SMOC1: variants seen among roughly 807,000 people sequenced by gnomAD.
The protein encoded by SMOC1 is SPARC related modular calcium binding 1, also known as SPARC-related modular calcium-binding protein 1.
In SMOC1, 22 loss-of-function variants were observed where a neutral mutation model predicts 56.3. The observed-to-expected ratio is 0.39, with a 90% CI of 0.28 to 0.56. The LOEUF is 0.56. Ranked by LOEUF, SMOC1 falls within the 20% of genes least tolerant of loss-of-function variation. The pLI, the probability that SMOC1 is intolerant of heterozygous loss-of-function variation, is 0.61. For missense variants in SMOC1, 509 were observed against 565.4 expected (o/e 0.90, Z 1.01); for synonymous variants, 193 against 215.0 (o/e 0.90, Z 0.89).
chr14:69,962,618 C>T (rs1266941218), intron 3 of SMOC1, among the ~76,000 whole-genome samples: 2 of 151,978 alleles, frequency 1.3e-5, no homozygotes. Context: ...ACTCTGTCAC[C>T]TAGGCTGGAG....
At chr14:69,886,011 C>T in intron 1 of SMOC1, 2 of 1,586,940 alleles carry the variant, frequency 1.3e-6, no homozygotes, top group Admixed American at 1.7e-5. Flanking sequence ...GGCTGGATGT[C>T]CTGTCCAATG....
intron 1 of SMOC1, among the ~76,000 whole-genome samples, chr14:69,947,087 G>GCATTCCTT (rs1882810156): frequency 2.1e-5 from 3 of 143,360 alleles, no homozygotes; most frequent in African/African-American, 7.9e-5. Context: ...TCTCAGGCCG[G>GCATTCCTT]CCTTCCTTCC....
At chr14:69,965,484 C>G (rs1409575285) in intron 3 of SMOC1, among the ~76,000 whole-genome samples, 2 of 151,986 alleles carry the variant, frequency 1.3e-5, no homozygotes, top group Non-Finnish European at 2.9e-5. Flanking sequence ...TAAGTGTAGT[C>G]CCACAGAGCT....
intron 1 of SMOC1, among the ~76,000 whole-genome samples, chr14:69,909,447 G>A (rs1411295834): frequency 1.3e-5 from 2 of 151,976 alleles, no homozygotes; most frequent in East Asian, 3.9e-4. Context: ...TTACAGGCAG[G>A]TACATCCAAT....
At chr14:69,913,820 T>G in intron 1 of SMOC1, among the ~76,000 whole-genome samples, 1 of 152,338 alleles carries the variant, frequency 6.6e-6, no homozygotes, top group East Asian at 1.9e-4. Flanking sequence ...GGCTAGAGTT[T>G]TAAGAGTCCT....
intron 1 of SMOC1, among the ~76,000 whole-genome samples, chr14:69,911,429 T>A (rs943272033): frequency 8.5e-5 from 13 of 152,228 alleles, no homozygotes; most frequent in African/African-American, 2.9e-4. Flanking sequence ...TGACAATGCA[T>A]ACAGTTGTGT....
chr14:69,882,072 G>T (rs2139280790), intron 1 of SMOC1, among the ~76,000 whole-genome samples: 1 of 152,306 alleles, frequency 6.6e-6, no homozygotes, highest in African/African-American at 2.4e-5. Context: ...AGTCTGCAGA[G>T]AAATTGTTAA....
chr14:69,964,380 C>CTT (rs57468516), intron 3 of SMOC1, among the ~76,000 whole-genome samples: 94 of 139,128 alleles, frequency 6.8e-4, no homozygotes, highest in Non-Finnish European at 9.1e-4. Flanking sequence ...CTCTGGTATT[C>CTT]TTTTTTTTTT....
At chr14:69,948,343 T>G (rs1882868312) in intron 1 of SMOC1, among the ~76,000 whole-genome samples, 1 of 152,230 alleles carries the variant, frequency 6.6e-6, no homozygotes, top group South Asian at 2.1e-4. Flanking sequence ...AACTTTTTAT[T>G]TGGCCTTAGG....
rs529434948 is a variant in SMOC1, at chr14:69,962,131, T to G, written c.378+8599T>G. On this transcript the variant is annotated intron_variant, in intron 3 of 11. Coordinates refer to ENST00000361956, the MANE Select transcript of SMOC1 (RefSeq NM_001034852.3). ...CTTTTCATTATTGAGTTACAAGAGC[T>G]CTTTATATATTCTAGATACAAGACT... is the stretch of plus-strand genomic sequence containing the variant. Among the ~76,000 whole-genome samples the G allele has an allele frequency of 2.0e-5, 3 of 152,276 alleles. No individual in the cohort carries two copies. The East Asian group carries it at 5.8e-4, about 29-fold the overall frequency.
chr14:69,970,858 A>G (rs1479287055), intron 3 of SMOC1, among the ~76,000 whole-genome samples: 1 of 152,214 alleles, frequency 6.6e-6, no homozygotes, highest in Admixed American at 6.5e-5. Flanking sequence ...CAGGATTAAA[A>G]TAATTCAGAT....
intron 1 of SMOC1, among the ~76,000 whole-genome samples, chr14:69,948,954 A>G (rs148592745): frequency 2.6e-5 from 4 of 152,270 alleles, no homozygotes; most frequent in African/African-American, 9.6e-5. Context: ...ACTAGGTCCC[A>G]CTGCCTTTCA....
Position 70,030,518 on chromosome 14 carries a change from C to T in SMOC1, c.*260C>T. 9 of 237,020 alleles carry T rather than the reference C, an allele frequency of 3.8e-5. No individual in the cohort carries two copies. Among genetic ancestry groups the T allele is most frequent in the South Asian group, 1.9e-4 (2 of 10,682 alleles). The allele number at this position is 237,020 out of a possible 1,614,324, so 14.7% of individuals were successfully genotyped here. On this transcript the variant is annotated 3_prime_UTR_variant, in exon 12 of 12. Coordinates refer to ENST00000361956, the MANE Select transcript of SMOC1 (RefSeq NM_001034852.3). ...CTCTTATTGTAAGTTTTTGGATCTG[C>T]TACTGACAACTTTTAGAGGGTTTTG...
chr14:70,028,641 G>A (rs1015840281), intron 11 of SMOC1, among the ~76,000 whole-genome samples: 1 of 152,196 alleles, frequency 6.6e-6, no homozygotes, highest in Non-Finnish European at 1.5e-5. Flanking sequence ...GGACTGCTGT[G>A]CACCTCCTTT....
intron 3 of SMOC1, among the ~76,000 whole-genome samples, chr14:69,954,671 C>T (rs1883124814): frequency 6.6e-6 from 1 of 152,124 alleles, no homozygotes; most frequent in African/African-American, 2.4e-5. Flanking sequence ...GGTCACTGGA[C>T]AAGGATGAGC....
chr14:70,032,357 G>A lies in SMOC1; in HGVS notation c.*2099G>A, dbSNP rs548153484. 3 of 152,348 alleles carry A rather than the reference G, an allele frequency of 2.0e-5. No individual in the cohort carries two copies. Among genetic ancestry groups the A allele is most frequent in the East Asian group, 3.9e-4 (2 of 5,186 alleles). 9.4% of individuals were successfully genotyped at this position (152,348 alleles called of 1,614,324 possible). A position where few individuals can be genotyped will look rare whatever the true frequency, so the allele number is the denominator to read the frequency against. On this transcript the variant is annotated 3_prime_UTR_variant, in exon 12 of 12. Transcript: ENST00000361956. Reference sequence around the variant, plus strand: ...TTGTTTTATAAAAAATAAAAAATGGGTAAATCTTGGCGGCTGTTGCCTCTT... The same window carrying A: ...TTGTTTTATAAAAAATAAAAAATGGATAAATCTTGGCGGCTGTTGCCTCTT...
Position 69,919,912 on chromosome 14 carries a change from C to T in SMOC1, c.100-32226C>T, listed in dbSNP as rs989297685. Among the ~76,000 whole-genome samples the T allele has an allele frequency of 2.5e-4, 16 of 64,368 alleles. 2 individuals carry two copies. The highest frequency in any genetic ancestry group is 1.6e-3 in the Admixed American group (8 of 5,090). The allele number at this position is 64,368 out of a possible 152,430, so 42.2% of individuals were successfully genotyped here. ...TAAATCATCCTATGAACACAAATAC[C>T]CCCCCCCCCCTTTCTCCCCTGGAGT... is the stretch of plus-strand genomic sequence containing the variant. On this transcript the variant is annotated intron_variant, in intron 1 of 11. Coordinates refer to ENST00000361956, the MANE Select transcript of SMOC1 (RefSeq NM_001034852.3).
At chr14:69,977,850 A>C in intron 4 of SMOC1, 68 bp from the exon 5 acceptor site, 1 of 1,346,740 alleles carries the variant, frequency 7.4e-7, no homozygotes, top group Non-Finnish European at 1.1e-6. Flanking sequence ...GGTTTTGCCA[A>C]CTCTTAGAAA....
intron 1 of SMOC1, among the ~76,000 whole-genome samples, chr14:69,931,523 G>C (rs958580769): frequency 7.9e-5 from 12 of 152,232 alleles, no homozygotes; most frequent in Admixed American, 5.2e-4. Context: ...GACAGCAGGC[G>C]CTGGGTCAAG....
Sources: allele counts gnomAD v4.1 joint callset (sites outside exome capture counted in the v4.1 genomes callset), GRCh38; gene constraint gnomAD v4.1.1; transcripts MANE v1.5; gene names NCBI Gene and HGNC (gene_info 2026-07-23, HGNC 2026-07-21).